PROM2: variants seen among roughly 807,000 people sequenced by gnomAD.
PROM2 encodes prominin-2.
In PROM2, 90 loss-of-function variants were observed where a neutral mutation model predicts 110.2. That is an observed-to-expected ratio of 0.82 (90% CI 0.69 to 0.97). The LOEUF (loss-of-function observed/expected upper bound fraction) is 0.97. PROM2 is among the 50% of genes least tolerant of loss of function. PROM2 has a pLI of 0.00. For missense variants in PROM2, 1,009 were observed against 1,074.8 expected, an observed-to-expected ratio of 0.94 and a Z score of 0.86; for synonymous variants, 470 against 467.8, an observed-to-expected ratio of 1.00 and a Z score of -0.06.
chr2:95,288,955 C>T lies in PROM2; in HGVS notation c.2464C>T (p.Gln822Ter). The change falls in exon 23 of 24, where the codon CAG becomes TAG. Residue 822 changes from glutamine (Q) to a stop codon, truncating the protein, a stop_gained. Transcript: ENST00000317620. LOFTEE classifies it high-confidence loss of function. Reference sequence around the variant, plus strand: ...CAGCTCCACCAGCTCTGAGGAGACTCAGCTCTTCCACATCCCCCGGGTTAC... The same window carrying T: ...CAGCTCCACCAGCTCTGAGGAGACTTAGCTCTTCCACATCCCCCGGGTTAC... ...RLSSTSSEET[Q>*]LFHIPRVTSL... The T allele has an allele frequency of 6.2e-7, 1 of 1,614,138 alleles. No individual in the cohort carries two copies. Among genetic ancestry groups the T allele is most frequent in the African/African-American group, 1.3e-5 (1 of 75,034 alleles).
rs144842038 is a variant in PROM2, at chr2:95,279,594, C to T, written c.1275-251C>T. 8.5e-5 allele frequency among the ~76,000 whole-genome samples: 13 copies of T among 152,254 alleles called. No individual in the cohort carries two copies. In the South Asian group the frequency reaches 1.2e-3, roughly 15 times the overall value. ...ACAGGCCTTAGCCACCGCGCCCGGC[C>T]GCTTCTGCATATTTTTAAGCCAAGA... On this transcript the variant is annotated intron_variant, in intron 10 of 23. Coordinates refer to ENST00000317620, the MANE Select transcript of PROM2 (RefSeq NM_001165978.3).
chr2:95,286,676 C>T, intron 17 of PROM2, 105 bp downstream of exon 17: 1 of 565,154 alleles, frequency 1.8e-6, no homozygotes, highest in South Asian at 2.0e-5. Flanking sequence ...CTCCCCTCCT[C>T]TCCCCTCCTC....
chr2:95,288,788 T>A lies in PROM2; in HGVS notation c.2442-145T>A, dbSNP rs75435721. The A allele has an allele frequency of 4.7e-4, 412 of 885,668 alleles. 4 individuals are homozygous for A. The East Asian group carries it at 9.9e-3, about 21-fold the overall frequency. 54.9% of individuals were successfully genotyped at this position (885,668 alleles called of 1,614,324 possible). On this transcript the variant is annotated intron_variant, in intron 22 of 23. Coordinates refer to ENST00000317620, the MANE Select transcript of PROM2 (RefSeq NM_001165978.3). ...TCTGCCCCTTACCCTTCTTGCTGCA[T>A]CCATTTGGGCGCAGCTTCGTGGGAC...
chr2:95,286,341 C>T (rs1368682747), intron 16 of PROM2, 138 bp from the exon 17 acceptor site: 3 of 675,808 alleles, frequency 4.4e-6, no homozygotes, highest in Non-Finnish European at 7.7e-6. Flanking sequence ...CAAGATCAGG[C>T]CCTGGAGCTT....
chr2:95,276,460 C>A lies in PROM2; in HGVS notation c.618+113C>A. The A allele has an allele frequency of 3.8e-6, 6 of 1,592,098 alleles. No individual in the cohort carries two copies. The highest frequency in any genetic ancestry group is 5.1e-6 in the Non-Finnish European group (6 of 1,165,146). On this transcript the variant is annotated intron_variant, in intron 4 of 23. Transcript: ENST00000317620. This position sits in a 1 kb window ranked among gnomAD's most constrained non-coding sequence, Gnocchi z 4.6. ...AACCAGCGCATCTGAAAGCCGCCTC[C>A]TCTCCCGCCCTTGCCTGAGAGTCGA... is the stretch of plus-strand genomic sequence containing the variant.
chr2:95,288,561 T>G lies in PROM2; in HGVS notation c.2413T>G (p.Tyr805Asp), dbSNP rs1212959224. The G allele has an allele frequency of 6.2e-7, 1 of 1,614,028 alleles. No homozygotes were observed. Among genetic ancestry groups the G allele is most frequent in the South Asian group, 1.1e-5 (1 of 91,080 alleles). The part of the protein sequence containing the change: ...SIIFAVKTSK[Y>D]FRPIRKRLSS... Reference sequence around the variant, plus strand: ...CATCTTTGCCGTCAAGACCTCCAAATACTTCCGTCCTATCCGGAAACGCCT... The same window carrying G: ...CATCTTTGCCGTCAAGACCTCCAAAGACTTCCGTCCTATCCGGAAACGCCT... Residue 805 changes from tyrosine to aspartate, a missense_variant, in exon 22 of 24, where the codon TAC becomes GAC. Physicochemically the swap from Tyr to Asp is radical, Grantham distance 160. Transcript: ENST00000317620.
chr2:95,275,885 G>A lies in PROM2; in HGVS notation c.295-45G>A, dbSNP rs1676615378. On this transcript the variant is annotated intron_variant, in intron 2 of 23. Coordinates refer to ENST00000317620, the MANE Select transcript of PROM2 (RefSeq NM_001165978.3). The surrounding 1 kb of genome is among the most constrained non-coding windows in gnomAD (Gnocchi z 4.4). ...TGGACTCAGGCAGAAGCCAGGGCTG[G>A]GCAGTGGGGGTCGGGTCACCCCTCA... 1.3e-6 allele frequency: 2 copies of A among 1,572,352 alleles called. No homozygotes were observed. The highest frequency in any genetic ancestry group is 1.7e-6 in the Non-Finnish European group (2 of 1,161,294).
chr2:95,280,391 G>A (rs550703283), intron 11 of PROM2, among the ~76,000 whole-genome samples: 52 of 152,324 alleles, frequency 3.4e-4, no homozygotes, highest in African/African-American at 1.2e-3. Context: ...GTAAGTGGGG[G>A]CTGAAATCCA....
At chr2:95,289,060 G>C in intron 23 of PROM2, 54 bp downstream of exon 23, 1 of 1,407,216 alleles carries the variant, frequency 7.1e-7, no homozygotes, top group African/African-American at 1.4e-5. Flanking sequence ...AAGGGAGTGG[G>C]GTGGGGAGGG....
chr2:95,281,315 A>G lies in PROM2; in HGVS notation c.1501A>G (p.Asn501Asp). 1 of 1,613,258 alleles carries G rather than the reference A, an allele frequency of 6.2e-7. No homozygotes were observed. The highest frequency in any genetic ancestry group is 1.7e-5 in the Admixed American group (1 of 59,990). The stretch of plus-strand genomic sequence containing the variant: ...GTTCGCCACCTTCCTGGTGGGTGGC[A>G]ACGTGCAGACGCTGGTGTGCCAGAG... ...LVFATFLVGGNVQTLVCQSWE... is the reference protein window; with the variant it reads ...LVFATFLVGGDVQTLVCQSWE... The change falls in exon 12 of 24, where the codon AAC becomes GAC. Residue 501 changes from asparagine (N) to aspartate (D), a missense_variant. Transcript: ENST00000317620.
At position 95,285,118 on chromosome 2, in the gene PROM2, C is replaced by A; in HGVS notation, c.1875+3C>A. 1 of 1,557,688 alleles carries A rather than the reference C, an allele frequency of 6.4e-7. No homozygotes were observed. Among genetic ancestry groups the A allele is most frequent in the South Asian group, 1.2e-5 (1 of 84,498 alleles). ...ACTACCCCGACTTCCTCGTTCAGGT[C>A]AGCGGTGGGCACCTCAGCAGGGCTT... On this transcript the variant is annotated splice_donor_region_variant and intron_variant, in intron 15 of 23. Transcript: ENST00000317620.
chr2:95,284,942 A>C, intron 14 of PROM2, 27 bp from the exon 15 acceptor site: 1 of 1,600,408 alleles, frequency 6.2e-7, no homozygotes, highest in Non-Finnish European at 8.5e-7. Context: ...ACTGGGCATG[A>C]CTCCCACCCT....
chr2:95,277,432 C>G lies in PROM2; in HGVS notation c.841C>G (p.Gln281Glu), dbSNP rs1676739525. ...AGTGGTAGAGCTGCAGGCCGGGCAG[C>G]AGGACCTGGAGCCAGCCATCCGGGA... ...ATVVELQAGQ[Q>E]DLEPAIREHR... Residue 281 changes from glutamine (Q) to glutamate (E), a missense_variant, in exon 7 of 24, where the codon CAG (glutamine) becomes GAG (glutamate). By Grantham distance (29) the Gln-to-Glu change is conservative. Transcript: ENST00000317620. The G allele has an allele frequency of 6.2e-7, 1 of 1,613,194 alleles. No individual in the cohort carries two copies. The highest frequency in any genetic ancestry group is 1.1e-5 in the South Asian group (1 of 91,070).
In PROM2 at chr2:95,275,270, G is replaced by A. The variant is rs1262434682; in HGVS notation, c.245-191G>A. ...GAGGTCTGCAGCCTCCTCTCTGCTC[G>A]CCCTCCTGTAGCAGTGCTGAGGTCA... On this transcript the variant is annotated intron_variant, in intron 1 of 23. Coordinates refer to ENST00000317620, the MANE Select transcript of PROM2 (RefSeq NM_001165978.3). This position sits in a 1 kb window ranked among gnomAD's most constrained non-coding sequence, Gnocchi z 4.4. Among the ~76,000 whole-genome samples the A allele has an allele frequency of 6.6e-5, 10 of 152,194 alleles. No homozygotes were observed. The highest frequency in any genetic ancestry group is 1.9e-4 in the East Asian group (1 of 5,190).
chr2:95,287,338 T>TGGGG, intron 19 of PROM2, 58 bp from the exon 20 acceptor site: 1 of 1,278,258 alleles, frequency 7.8e-7, no homozygotes, highest in Non-Finnish European at 1.1e-6. Context: ...GTGGCGTGGG[T>TGGGG]GGGGGGCACT....
chr2:95,277,383 C>CCA lies in PROM2; in HGVS notation c.794_795dup (p.Leu266ThrfsTer5). 6.2e-7 allele frequency: 1 copy of CCA among 1,612,130 alleles called. No individual in the cohort carries two copies. Among genetic ancestry groups the CCA allele is most frequent in the African/African-American group, 1.3e-5 (1 of 74,990 alleles). On this transcript the variant is annotated frameshift_variant, in exon 7 of 24. Coordinates refer to ENST00000317620, the MANE Select transcript of PROM2 (RefSeq NM_001165978.3). LOFTEE classifies it high-confidence loss of function. ...TCTCAGTCCTGCAGGTCTCCGTGCA[C>CCA]CACCTGCAAACCTTGAATGCTACAG...
intron 14 of PROM2, 25 bp from the exon 15 acceptor site, chr2:95,284,944 T>C (rs1408362807): frequency 1.2e-6 from 2 of 1,603,698 alleles, no homozygotes; most frequent in South Asian, 1.1e-5. Context: ...TGGGCATGAC[T>C]CCCACCCTGC....
At position 95,281,318 on chromosome 2, in the gene PROM2, G is replaced by C; in HGVS notation, c.1504G>C (p.Val502Leu). ...VFATFLVGGNVQTLVCQSWEN... is the reference protein window; with the variant it reads ...VFATFLVGGNLQTLVCQSWEN... ...CGCCACCTTCCTGGTGGGTGGCAAC[G>C]TGCAGACGCTGGTGTGCCAGAGCTG... Residue 502 changes from valine to leucine, a missense_variant, in exon 12 of 24, where the codon GTG (valine) becomes CTG (leucine). Transcript: ENST00000317620. 1 of 1,613,354 alleles carries C rather than the reference G, an allele frequency of 6.2e-7. No individual in the cohort carries two copies. Among genetic ancestry groups the C allele is most frequent in the Non-Finnish European group, 8.5e-7 (1 of 1,179,960 alleles).
rs112585590 is a variant in PROM2 at position 95,288,481 on chromosome 2, A to T, written c.2335-2A>T. ...GTGAGCCGACCTCACGCCTTGTTGCAGAATGCCTTCTGGTTCTGCCTGGCA... is the reference window on the plus strand; with the variant it reads ...GTGAGCCGACCTCACGCCTTGTTGCTGAATGCCTTCTGGTTCTGCCTGGCA... On this transcript the variant is annotated splice_acceptor_variant, in intron 21 of 23. Transcript: ENST00000317620. LOFTEE classifies it high-confidence loss of function. The T allele has an allele frequency of 6.2e-7, 1 of 1,613,892 alleles. No individual in the cohort carries two copies. Among genetic ancestry groups the T allele is most frequent in the African/African-American group, 1.3e-5 (1 of 74,938 alleles).
Sources: allele counts gnomAD v4.1 joint callset (sites outside exome capture counted in the v4.1 genomes callset), GRCh38; gene constraint gnomAD v4.1.1; non-coding constraint Gnocchi (gnomAD v3.1); transcripts MANE v1.5; gene names NCBI Gene and HGNC (gene_info 2026-07-23, HGNC 2026-07-21).